The following CFTR variants were observed in gnomAD, a reference collection of about 807,000 sequenced individuals.
CFTR encodes the protein CF transmembrane conductance regulator.
CFTR carries 181 observed loss-of-function variants against 171.6 expected under a neutral mutation model. The ratio of observed to expected loss-of-function variants is 1.05; its 90% confidence interval spans 0.93 to 1.19. CFTR has a LOEUF of 1.19. Among genes scored for constraint, CFTR ranks in the 50% most tolerant of loss-of-function variants. The pLI is 0.00. For synonymous variants in CFTR, 583 were observed against 608.0 expected, an observed-to-expected ratio of 0.96 and a Z score of 0.60; for missense variants, 1,968 against 1,734.7, an observed-to-expected ratio of 1.13 and a Z score of -2.39.
rs369464175 is a variant in CFTR at position 117,667,088 on chromosome 7, G to T, written c.4423G>T (p.Val1475Leu). Residue 1475 changes from valine (V) to leucine (L), a missense_variant, in exon 27 of 27, where the codon GTG becomes TTG. Transcript: ENST00000003084. ...TCTGAAAGAGGAGACAGAAGAAGAGGTGCAAGATACAAGGCTTTAGAGAGC... is the reference window on the plus strand; with the variant it reads ...TCTGAAAGAGGAGACAGAAGAAGAGTTGCAAGATACAAGGCTTTAGAGAGC... Reference protein sequence around the residue: ...AALKEETEEEVQDTRL With the variant: ...AALKEETEEELQDTRL 41 of 1,613,956 alleles carry T rather than the reference G, an allele frequency of 2.5e-5. No homozygotes were observed. The highest frequency in any genetic ancestry group is 3.4e-5 in the Non-Finnish European group (40 of 1,179,926).
chr7:117,626,596 G>A (rs1792654735), intron 21 of CFTR, among the ~76,000 whole-genome samples: 1 of 152,032 alleles, frequency 6.6e-6, no homozygotes, highest in South Asian at 2.1e-4. Flanking sequence ...TTTAAAAATA[G>A]AAGTTGAGTG....
chr7:117,545,318 CA>C (rs1332389736), intron 9 of CFTR, among the ~76,000 whole-genome samples: 3 of 152,150 alleles, frequency 2.0e-5, no homozygotes, highest in Admixed American at 1.3e-4. Context: ...AGCTATAATT[CA>C]AGATGAGATT....
intron 17 of CFTR, 101 bp downstream of exon 17, chr7:117,603,883 C>G (rs1305967962): frequency 7.8e-7 from 1 of 1,282,156 alleles, no homozygotes; most frequent in African/African-American, 1.5e-5. Flanking sequence ...TGCACAGAGG[C>G]ATGTGCCCTT....
At chr7:117,491,083 C>G (rs866241387) in intron 1 of CFTR, among the ~76,000 whole-genome samples, 47 of 152,118 alleles carry the variant, frequency 3.1e-4, no homozygotes, top group African/African-American at 9.7e-4. Flanking sequence ...CTACTACACA[C>G]CTAGGCAATA....
Position 117,536,675 on chromosome 7 carries a change from T to A in CFTR, c.869+2T>A, listed in dbSNP as rs1798964167. 2 of 1,609,874 alleles carry A rather than the reference T, an allele frequency of 1.2e-6. No homozygotes were observed. Among genetic ancestry groups the A allele is most frequent in the East Asian group, 4.5e-5 (2 of 44,718 alleles). On this transcript the variant is annotated splice_donor_variant, in intron 7 of 26. Coordinates refer to ENST00000003084, the MANE Select transcript of CFTR (RefSeq NM_000492.4). LOFTEE classifies it high-confidence loss of function. ...AAAAATGATTGAAAACTTAAGACAG[T>A]AAGTTGTTCCAATAATTTCAATATT...
At position 117,499,836 on chromosome 7, in the gene CFTR, A is replaced by G. The variant is rs181604271; in HGVS notation, c.54-4417A>G. ...AAAGGACAATAAGAAAGAAAGAAAT[A>G]GCCAGAGCTTTGAACAAAATTTCTA... On this transcript the variant is annotated intron_variant, in intron 1 of 26. Transcript: ENST00000003084. 1.6e-3 allele frequency among the ~76,000 whole-genome samples: 237 copies of G among 152,212 alleles called. 2 individuals are homozygous for G. Among genetic ancestry groups the G allele is most frequent in the Non-Finnish European group, 2.7e-3 (187 of 68,000 alleles).
rs200321110 is a variant in CFTR at position 117,611,646 on chromosome 7, G to A, written c.3205G>A (p.Gly1069Arg). 220 of 1,613,472 alleles carry A rather than the reference G, an allele frequency of 1.4e-4. No homozygotes were observed. The highest frequency in any genetic ancestry group is 1.1e-3 in the East Asian group (51 of 44,838). The change falls in exon 20 of 27, where the codon GGA (glycine) becomes AGA (arginine). Residue 1069 changes from glycine (G) to arginine (R), a missense_variant. Transcript: ENST00000003084. ...AGGACTATGGACACTTCGTGCCTTCGGACGGCAGCCTTACTTTGAAACTCT... is the reference window on the plus strand; with the variant it reads ...AGGACTATGGACACTTCGTGCCTTCAGACGGCAGCCTTACTTTGAAACTCT... ...LKGLWTLRAF[G>R]RQPYFETLFH...
At chr7:117,596,446 T>G (rs1792127702) in intron 15 of CFTR, among the ~76,000 whole-genome samples, 1 of 152,334 alleles carries the variant, frequency 6.6e-6, no homozygotes, top group East Asian at 1.9e-4. Context: ...CACCGCCCCC[T>G]GCTCCACGGC....
At chr7:117,656,492 A>G (rs1477154337) in intron 24 of CFTR, among the ~76,000 whole-genome samples, 1 of 152,148 alleles carries the variant, frequency 6.6e-6, no homozygotes, top group African/African-American at 2.4e-5. Flanking sequence ...ATGGAATAAA[A>G]TTTTCTAAAT....
intron 3 of CFTR, among the ~76,000 whole-genome samples, chr7:117,522,560 T>C (rs572876044): frequency 6.6e-6 from 1 of 152,244 alleles, no homozygotes; most frequent in South Asian, 2.1e-4. Flanking sequence ...GATTTGTGTC[T>C]GATACAGAGT....
At chr7:117,484,286 A>G (rs938651324) in intron 1 of CFTR, among the ~76,000 whole-genome samples, 11 of 152,236 alleles carry the variant, frequency 7.2e-5, no homozygotes, top group African/African-American at 2.7e-4. Context: ...ACAAAGGCCA[A>G]TATGTGTTGA....
At chr7:117,597,589 C>T (rs1474099156) in intron 15 of CFTR, among the ~76,000 whole-genome samples, 1 of 152,226 alleles carries the variant, frequency 6.6e-6, no homozygotes, top group South Asian at 2.1e-4. Context: ...AGGTTGGACA[C>T]AGCTGCTCTA....
At chr7:117,661,464 G>T (rs1455037900) in intron 24 of CFTR, among the ~76,000 whole-genome samples, 1 of 152,328 alleles carries the variant, frequency 6.6e-6, no homozygotes, top group Non-Finnish European at 1.5e-5. Context: ...CAGTCAAATA[G>T]CTTTCCTAGT....
At chr7:117,577,615 A>G (rs569201304) in intron 11 of CFTR, among the ~76,000 whole-genome samples, 2 of 152,230 alleles carry the variant, frequency 1.3e-5, no homozygotes, top group Non-Finnish European at 2.9e-5. Context: ...GTATTATCTA[A>G]TGGCCTATAA....
intron 6 of CFTR, 85 bp from the exon 7 acceptor site, chr7:117,536,463 C>G (rs1798957044): frequency 1.5e-6 from 2 of 1,328,772 alleles, no homozygotes; most frequent in Non-Finnish European, 2.1e-6. Context: ...AGAAATATGA[C>G]TTAAAACCTT....
chr7:117,580,805 A>T (rs1791838584), intron 11 of CFTR, among the ~76,000 whole-genome samples: 1 of 152,122 alleles, frequency 6.6e-6, no homozygotes, highest in Non-Finnish European at 1.5e-5. Context: ...ACTTATCGAG[A>T]CAGTTACTGT....
At chr7:117,616,782 A>T (rs1045947059) in intron 21 of CFTR, among the ~76,000 whole-genome samples, 6 of 152,120 alleles carry the variant, frequency 3.9e-5, no homozygotes, top group Admixed American at 2.0e-4. Context: ...GATCACATTT[A>T]AAAAAATCAC....
intron 21 of CFTR, among the ~76,000 whole-genome samples, chr7:117,621,838 G>C (rs905456733): frequency 1.3e-5 from 2 of 152,186 alleles, no homozygotes; most frequent in African/African-American, 4.8e-5. Flanking sequence ...GATTTGATGA[G>C]TGATGTCCAA....
chr7:117,538,862 G>A (rs1345791643), intron 7 of CFTR, among the ~76,000 whole-genome samples: 19 of 152,148 alleles, frequency 1.2e-4, no homozygotes, highest in East Asian at 1.2e-3. Context: ...CTAAATAGAC[G>A]GAATTGCAAT....
Sources: gnomAD v4.1 joint callset for allele counts (sites outside exome capture counted in the v4.1 genomes callset) on GRCh38, gnomAD v4.1.1 for gene constraint, MANE v1.5 for transcripts, NCBI Gene and HGNC (gene_info 2026-07-23, HGNC 2026-07-21) for gene names.